Variants in KANK1 observed in about 807,000 individuals in gnomAD.
KANK1 encodes the protein KN motif and ankyrin repeat domain-containing protein 1.
KANK1 carries 109 observed loss-of-function variants against 106.2 expected under a neutral mutation model. The ratio of observed to expected loss-of-function variants is 1.03; its 90% confidence interval spans 0.88 to 1.20. The LOEUF (loss-of-function observed/expected upper bound fraction) is 1.20. Ranked by LOEUF, KANK1 falls within the 50% of genes most tolerant of loss-of-function variation. The pLI is 0.00. For missense variants in KANK1, 2,399 were observed against 1,710.7 expected, an observed-to-expected ratio of 1.40 and a Z score of -7.10; for synonymous variants, 873 against 652.2, an observed-to-expected ratio of 1.34 and a Z score of -5.16.
At chr9:663,128 CAG>C (rs1843741476) in intron 1 of KANK1, among the ~76,000 whole-genome samples, 1 of 152,150 alleles carries the variant, frequency 6.6e-6, no homozygotes. Context: ...AATCCAATCT[CAG>C]TGGAATTAAA....
intron 1 of KANK1, among the ~76,000 whole-genome samples, chr9:665,439 A>G (rs1031439364): frequency 6.6e-6 from 1 of 152,086 alleles, no homozygotes; most frequent in East Asian, 1.9e-4. Flanking sequence ...TCCCTGTTGC[A>G]TATTGTTGGC....
At chr9:710,537 G>A (rs888072938) in intron 2 of KANK1, among the ~76,000 whole-genome samples, 2 of 144,560 alleles carry the variant, frequency 1.4e-5, no homozygotes, top group Non-Finnish European at 3.0e-5. Flanking sequence ...AGAATTGCTT[G>A]ATCCCAGGAG....
At chr9:615,804 C>G (rs1351083744) in intron 1 of KANK1, among the ~76,000 whole-genome samples, 1 of 152,118 alleles carries the variant, frequency 6.6e-6, no homozygotes, top group African/African-American at 2.4e-5. Flanking sequence ...CAAGTGATAC[C>G]TAACCTAGCT....
chr9:509,331 C>G (rs148111108), intron 1 of KANK1, among the ~76,000 whole-genome samples: 2 of 152,112 alleles, frequency 1.3e-5, no homozygotes, highest in Non-Finnish European at 2.9e-5. Context: ...CTCCTGACCT[C>G]GTGATCCACC....
At chr9:700,982 A>G (rs1357830799) in intron 2 of KANK1, among the ~76,000 whole-genome samples, 1 of 152,204 alleles carries the variant, frequency 6.6e-6, no homozygotes, top group East Asian at 1.9e-4. Context: ...TTTTGCTCAT[A>G]TTAAAGAATG....
chr9:474,153 A>G (rs1050229364), intron 3 of KANK1, among the ~76,000 whole-genome samples: 4 of 152,188 alleles, frequency 2.6e-5, no homozygotes, highest in African/African-American at 7.2e-5. Flanking sequence ...GAGTGAGTGT[A>G]TGGATAGGTA....
At chr9:485,393 C>CA (rs2058273758) in intron 3 of KANK1, among the ~76,000 whole-genome samples, 1 of 152,120 alleles carries the variant, frequency 6.6e-6, no homozygotes, top group African/African-American at 2.4e-5. Context: ...AAAGTAACCA[C>CA]AAAAATCTGG....
chr9:619,769 A>G (rs1367969298), intron 1 of KANK1, among the ~76,000 whole-genome samples: 3 of 152,158 alleles, frequency 2.0e-5, no homozygotes, highest in Non-Finnish European at 2.9e-5. Context: ...ATAATTTGCA[A>G]TGATTTTTAA....
At chr9:568,244 T>C (rs947707812) in intron 1 of KANK1, among the ~76,000 whole-genome samples, 3 of 152,216 alleles carry the variant, frequency 2.0e-5, no homozygotes, top group Non-Finnish European at 4.4e-5. Context: ...CAAATGTTGA[T>C]ATAGTCCCTT....
Position 518,889 on chromosome 9 carries a change from A to AT in KANK1, c.-84+14148dup, listed in dbSNP as rs141987271. Among the ~76,000 whole-genome samples the AT allele has an allele frequency of 9.0e-4, 133 of 147,714 alleles. 1 individual carries two copies. Among genetic ancestry groups the AT allele is most frequent in the South Asian group, 1.3e-3 (6 of 4,644 alleles). On this transcript the variant is annotated intron_variant, in intron 1 of 11. Transcript: ENST00000382297. ...TGGAGTTTCTTAGCATTGTCTTTAA[A>AT]TTTTTTTTTTTTTGTTTTGAGACAG...
intron 1 of KANK1, among the ~76,000 whole-genome samples, chr9:642,447 A>C (rs1382560507): frequency 6.6e-6 from 1 of 151,042 alleles, no homozygotes; most frequent in Non-Finnish European, 1.5e-5. Flanking sequence ...CTACAAGAAG[A>C]GTAGAGCTTA....
chr9:648,437 G>A (rs1263304460), intron 1 of KANK1, among the ~76,000 whole-genome samples: 1 of 152,046 alleles, frequency 6.6e-6, no homozygotes, highest in Non-Finnish European at 1.5e-5. Flanking sequence ...TCATTAAATG[G>A]CATCACAGAC....
chr9:701,729 C>T (rs1462861177), intron 2 of KANK1, among the ~76,000 whole-genome samples: 1 of 152,312 alleles, frequency 6.6e-6, no homozygotes, highest in African/African-American at 2.4e-5. Context: ...AGTTGAGAAT[C>T]ACTGCAAGCA....
At chr9:486,703 A>G (rs972897900) in intron 3 of KANK1, among the ~76,000 whole-genome samples, 7 of 152,176 alleles carry the variant, frequency 4.6e-5, no homozygotes, top group African/African-American at 1.7e-4. Flanking sequence ...TAGAGATACT[A>G]CCTTTTTCTG....
At chr9:674,285 A>AGT (rs1049019372) in intron 1 of KANK1, 10 of 151,530 alleles carry the variant, frequency 6.6e-5, no homozygotes, top group African/African-American at 2.4e-4. Flanking sequence ...ATCAGCAGGG[A>AGT]GTGGATGGTT....
At chr9:664,497 A>G (rs1047159241) in intron 1 of KANK1, among the ~76,000 whole-genome samples, 1 of 152,136 alleles carries the variant, frequency 6.6e-6, no homozygotes, top group Admixed American at 6.5e-5. Flanking sequence ...GAGTCCTGCT[A>G]TGTTGTCCAG....
At chr9:474,029 GTTAATGAAGAAGC>G (rs6150882) in intron 3 of KANK1, among the ~76,000 whole-genome samples, 12,726 of 152,142 alleles carry the variant, frequency 0.084, 1,806 homozygotes, top group African/African-American at 0.29. Flanking sequence ...CTCAGCCAGA[GTTAATGAAGAAGC>G]TTTCCCCACA....
At chr9:580,540 G>A (rs540685619) in intron 1 of KANK1, among the ~76,000 whole-genome samples, 6 of 152,148 alleles carry the variant, frequency 3.9e-5, no homozygotes, top group African/African-American at 9.7e-5. Context: ...TGAGCTAGAC[G>A]CAAAAGTTCT....
At chr9:592,113 A>G (rs921506010) in intron 1 of KANK1, among the ~76,000 whole-genome samples, 1 of 151,788 alleles carries the variant, frequency 6.6e-6, no homozygotes, top group African/African-American at 2.4e-5. Flanking sequence ...GGTGGAAGAA[A>G]TTGTAGGAAA....
Sources: allele counts gnomAD v4.1 joint callset (sites outside exome capture counted in the v4.1 genomes callset), GRCh38; gene constraint gnomAD v4.1.1; transcripts MANE v1.5; gene names NCBI Gene and HGNC (gene_info 2026-07-23, HGNC 2026-07-21).